Variants in PRKD2 observed in about 807,000 individuals in gnomAD.
PRKD2 encodes protein kinase D2, also known as serine/threonine-protein kinase D2.
PRKD2 carries 22 observed loss-of-function variants against 86.0 expected under a neutral mutation model. The ratio of observed to expected loss-of-function variants is 0.26; its 90% CI spans 0.18 to 0.37. PRKD2 has a LOEUF of 0.37. Ranked by LOEUF, PRKD2 falls within the 10% of genes least tolerant of loss-of-function variation. PRKD2 has a pLI of 1.00. For missense variants in PRKD2, 818 were observed against 1,199.2 expected, an observed-to-expected ratio of 0.68 and a Z score of 4.70; for synonymous variants, 509 against 510.9, an observed-to-expected ratio of 1.00 and a Z score of 0.05.
Position 46,674,460 on chromosome 19 carries a change from T to C in PRKD2, c.*63A>G. 6.5e-7 allele frequency: 1 copy of C among 1,534,896 alleles called. No individual in the cohort carries two copies. The highest frequency in any genetic ancestry group is 1.4e-5 in the African/African-American group (1 of 73,496). On this transcript the variant is annotated 3_prime_UTR_variant, in exon 18 of 18. Transcript: ENST00000291281. ...AGGAAGCCACTTTCCCTAGAACAGT[T>C]CATTGCTGGGATCCTGTGAAGAACC... is the stretch of plus-strand genomic sequence containing the variant.
intron 7 of PRKD2, among the ~76,000 whole-genome samples, chr19:46,699,143 G>A (rs1000431760): frequency 1.3e-5 from 2 of 151,954 alleles, no homozygotes; most frequent in African/African-American, 2.4e-5. Context: ...CCTGGAACAC[G>A]GTGCCTCCAC....
At chr19:46,677,059 T>TG (rs2053217807) in intron 16 of PRKD2, 3 of 46,028 alleles carry the variant, frequency 6.5e-5, no homozygotes, top group African/African-American at 2.9e-4. Flanking sequence ...AGACCCCACC[T>TG]CAAAAAAAAA....
chr19:46,711,004 C>A lies in PRKD2; in HGVS notation c.414G>T (p.Pro138=), dbSNP rs749542989. 1 of 1,580,668 alleles carries A rather than the reference C, an allele frequency of 6.3e-7. No homozygotes were observed. Among genetic ancestry groups the A allele is most frequent in the South Asian group, 1.2e-5 (1 of 86,272 alleles). The change falls in exon 3 of 18, where the codon CCG becomes CCT. Residue 138 remains proline (P), a synonymous_variant. Coordinates refer to ENST00000291281, the MANE Select transcript of PRKD2 (RefSeq NM_016457.5). ...GATAGGAGTGCACCGTGAGGGCGTG[C>A]GGGCGGATCTGGAAGTCCTCGAAGG... ...SATFEDFQIR[P]HALTVHSYRA...
chr19:46,691,829 G>A (rs1435134102), intron 11 of PRKD2, 22 bp from the exon 12 acceptor site: 1 of 1,613,978 alleles, frequency 6.2e-7, no homozygotes, highest in Admixed American at 1.7e-5. Flanking sequence ...AGACAGGGCA[G>A]GTCAGGGGTG....
Position 46,711,031 on chromosome 19 carries a change from G to A in PRKD2, c.387C>T (p.Ala129=), listed in dbSNP as rs112128543. The stretch of plus-strand genomic sequence containing the variant: ...GGCGGATCTGGAAGTCCTCGAAGGT[G>A]GCCGAGGCTGTAGGCGGAAAATAGG... ...DLVEVVLSAS[A]TFEDFQIRPH... The change falls in exon 3 of 18, where the codon GCC becomes GCT. Residue 129 remains alanine (A), a synonymous_variant. Coordinates refer to ENST00000291281, the MANE Select transcript of PRKD2 (RefSeq NM_016457.5). The A allele has an allele frequency of 1.3e-6, 2 of 1,581,726 alleles. No homozygotes were observed. The highest frequency in any genetic ancestry group is 1.3e-5 in the African/African-American group (1 of 74,506).
chr19:46,675,196 C>A, intron 16 of PRKD2, 78 bp from the exon 17 acceptor site: 1 of 1,265,680 alleles, frequency 7.9e-7, no homozygotes. Context: ...CCTAGCCTAC[C>A]TGCCTGCCAT....
Position 46,693,958 on chromosome 19 carries a change from C to T in PRKD2, c.1493G>A (p.Arg498Gln), listed in dbSNP as rs757860622. Residue 498 changes from arginine (R) to glutamine (Q), a missense_variant, in exon 10 of 18, where the codon CGG (arginine) becomes CAG (glutamine). Transcript: ENST00000291281. The surrounding 1 kb of genome is among the most constrained non-coding windows in gnomAD (Gnocchi z 4.5). ...GPSGQGAEAA[R>Q]GWETAIRQAL... ...CTGGCGGATGGCTGTCTCCCAGCCCCGGGCGGCCTCAGCCCCCTGCCCACT... is the reference window on the plus strand; with the variant it reads ...CTGGCGGATGGCTGTCTCCCAGCCCTGGGCGGCCTCAGCCCCCTGCCCACT... The T allele has an allele frequency of 3.8e-5, 61 of 1,612,174 alleles. No individual in the cohort carries two copies. In the South Asian group the frequency reaches 4.4e-4, roughly 12 times the overall value.
chr19:46,710,832 G>A (rs2053795605), intron 3 of PRKD2, 75 bp downstream of exon 3: 11 of 1,432,180 alleles, frequency 7.7e-6, no homozygotes, highest in East Asian at 2.5e-5. Context: ...CGCTGTCCCC[G>A]TGCCAGGACC....
intron 9 of PRKD2, 62 bp from the exon 10 acceptor site, chr19:46,694,195 A>C: frequency 1.3e-6 from 2 of 1,581,202 alleles, no homozygotes. Flanking sequence ...TCTAGTGCTT[A>C]CCCAGAAGGA....
chr19:46,690,634 TC>T lies in PRKD2; in HGVS notation c.1774del (p.Glu592ArgfsTer20), dbSNP rs757396814. 6.2e-7 allele frequency: 1 copy of T among 1,614,206 alleles called. No homozygotes were observed. Among genetic ancestry groups the T allele is most frequent in the East Asian group, 2.2e-5 (1 of 44,878 alleles). ...IDKLRFPTKQ[E>X]SQLRNEVAIL... ...GGCCACTTCATTCCGGAGCTGGCTC[TC>T]CTGCTTGGTAGGGAAGCGCAGTTTG... On this transcript the variant is annotated frameshift_variant, in exon 13 of 18. Transcript: ENST00000291281. LOFTEE classifies it high-confidence loss of function.
At chr19:46,705,500 G>A (rs1158007866) in intron 3 of PRKD2, among the ~76,000 whole-genome samples, 1 of 152,052 alleles carries the variant, frequency 6.6e-6, no homozygotes, top group East Asian at 1.9e-4. Context: ...AATCTTAGTA[G>A]TGTGGGCCAC....
chr19:46,675,959 A>G (rs2053195240), intron 16 of PRKD2, among the ~76,000 whole-genome samples: 1 of 151,976 alleles, frequency 6.6e-6, no homozygotes, highest in South Asian at 2.1e-4. Flanking sequence ...TTGTAGAGAT[A>G]CATTGCCCAG....
At chr19:46,682,451 G>A (rs920481836) in intron 14 of PRKD2, among the ~76,000 whole-genome samples, 6 of 151,974 alleles carry the variant, frequency 3.9e-5, no homozygotes, top group African/African-American at 7.2e-5. Context: ...GAGCCACTGC[G>A]CCTGGCCCCA....
At chr19:46,676,213 G>A (rs552189102) in intron 16 of PRKD2, among the ~76,000 whole-genome samples, 9 of 152,194 alleles carry the variant, frequency 5.9e-5, no homozygotes, top group South Asian at 4.1e-4. Context: ...TGGATCACCC[G>A]AGGTCAGGAG....
chr19:46,713,865 G>A lies in PRKD2; in HGVS notation c.377C>T (p.Ser126Leu). ...CCAGGCCGGCCACCACCTCTCACCCGACAGCACCACCTCCACCAGGTCGCC... is the reference window on the plus strand; with the variant it reads ...CCAGGCCGGCCACCACCTCTCACCCAACAGCACCACCTCCACCAGGTCGCC... ...QEGDLVEVVL[S>L]ASATFEDFQI... Residue 126 changes from serine to leucine, a missense_variant and splice_region_variant, in exon 2 of 18, where the codon TCG (serine) becomes TTG (leucine). Ser to Leu is a moderately radical substitution (Grantham distance 145). This residue lies in a region of PRKD2 where 403 missense variants were observed against 518.6 expected (regional missense o/e 0.78). Coordinates refer to ENST00000291281, the MANE Select transcript of PRKD2 (RefSeq NM_016457.5). 2.6e-6 allele frequency: 3 copies of A among 1,159,264 alleles called. No individual in the cohort carries two copies. Among genetic ancestry groups the A allele is most frequent in the Non-Finnish European group, 2.2e-6 (2 of 901,712 alleles). The allele number at this position is 1,159,264 out of a possible 1,614,324, so 71.8% of individuals were successfully genotyped here. A position where few individuals can be genotyped will look rare whatever the true frequency, so the allele number is the denominator to read the frequency against.
chr19:46,681,969 T>G (rs751748034), intron 14 of PRKD2, among the ~76,000 whole-genome samples: 5 of 151,778 alleles, frequency 3.3e-5, no homozygotes, highest in Admixed American at 6.6e-5. Context: ...GCCTCCCAAG[T>G]AGCTGGGACT....
rs1378489906 is a variant in PRKD2 at position 46,678,279 on chromosome 19, G to T, written c.2338+117C>A. The T allele has an allele frequency of 6.9e-7, 1 of 1,455,144 alleles. No homozygotes were observed. The highest frequency in any genetic ancestry group is 9.2e-7 in the Non-Finnish European group (1 of 1,088,584). 90.1% of individuals were successfully genotyped at this position (1,455,144 alleles called of 1,614,324 possible). A position where few individuals can be genotyped will look rare whatever the true frequency, so the allele number is the denominator to read the frequency against. On this transcript the variant is annotated intron_variant, in intron 16 of 17. Coordinates refer to ENST00000291281, the MANE Select transcript of PRKD2 (RefSeq NM_016457.5). This position sits in a 1 kb window ranked among gnomAD's most constrained non-coding sequence, Gnocchi z 5.7. ...TCCAGTAGGCCCGCCCCAGCACTGG[G>T]CTCCACCCCCAAGGTGCCAGGCTGT...
intron 15 of PRKD2, among the ~76,000 whole-genome samples, chr19:46,681,023 G>A (rs1348444297): frequency 9.3e-5 from 13 of 139,644 alleles, no homozygotes; most frequent in Admixed American, 4.5e-4. Flanking sequence ...GCGTGATCTC[G>A]GCTAACTGCA....
chr19:46,698,293 C>A (rs314663), intron 7 of PRKD2, among the ~76,000 whole-genome samples: 1 of 151,986 alleles, frequency 6.6e-6, no homozygotes, highest in African/African-American at 2.4e-5. Flanking sequence ...CTTAGAATCC[C>A]TTCACGAGAT....
Sources: gnomAD v4.1 joint callset for allele counts (sites outside exome capture counted in the v4.1 genomes callset) on GRCh38, gnomAD v4.1.1 for gene constraint, gnomAD v4.1.1 regional missense constraint, Gnocchi (gnomAD v3.1) non-coding constraint, MANE v1.5 for transcripts, NCBI Gene and HGNC (gene_info 2026-07-23, HGNC 2026-07-21) for gene names.